NTRK3: variants seen among roughly 807,000 people sequenced by gnomAD.
The protein encoded by NTRK3 is neurotrophic receptor tyrosine kinase 3, also known as NT-3 growth factor receptor.
A neutral mutation model predicts 91.7 loss-of-function variants in NTRK3; 24 were observed. The ratio of observed to expected loss-of-function variants is 0.26; its 90% CI spans 0.19 to 0.37. NTRK3 has a LOEUF of 0.37. Ranked by LOEUF, NTRK3 falls within the 10% of genes least tolerant of loss-of-function variation. The pLI, the probability that NTRK3 is intolerant of heterozygous loss-of-function variation, is 1.00. For missense variants in NTRK3, 880 were observed against 1,068.9 expected, an observed-to-expected ratio of 0.82 and a Z score of 2.46; for synonymous variants, 483 against 404.0, an observed-to-expected ratio of 1.20 and a Z score of -2.34.
rs1230636427 is a variant in NTRK3 at position 88,005,894 on chromosome 15, T to C, written c.1585+26963A>G. The stretch of plus-strand genomic sequence containing the variant: ...GAAATCTATCTTCACATCAATATGG[T>C]AAATCCAAGGATAACCAGAGCATAA... On this transcript the variant is annotated intron_variant, in intron 14 of 18. Coordinates refer to ENST00000394480, the Ensembl canonical transcript of NTRK3. Among the ~76,000 whole-genome samples, 3 of 152,196 alleles carry C rather than the reference T, an allele frequency of 2.0e-5. 1 individual carries two copies. Among genetic ancestry groups the C allele is most frequent in the Admixed American group, 2.0e-4 (3 of 15,286 alleles).
chr15:88,116,594 T>C (rs1466322979), intron 13 of NTRK3, among the ~76,000 whole-genome samples: 2 of 152,196 alleles, frequency 1.3e-5, no homozygotes, highest in South Asian at 2.1e-4. Context: ...CTGAAGTATT[T>C]ACCAGTAACT....
At chr15:88,065,954 A>G (rs1420969389) in intron 13 of NTRK3, among the ~76,000 whole-genome samples, 1 of 152,108 alleles carries the variant, frequency 6.6e-6, no homozygotes, top group African/African-American at 2.4e-5. Context: ...CTTTGCCAAA[A>G]TGGCCTACTG....
chr15:87,879,685 C>A (rs980834277), intron 18 of NTRK3, among the ~76,000 whole-genome samples: 9 of 152,112 alleles, frequency 5.9e-5, no homozygotes, highest in Non-Finnish European at 1.3e-4. Flanking sequence ...TTTATTATTG[C>A]AAATTACAAT....
rs1019325321 is a variant in NTRK3 at position 88,147,254 on chromosome 15, T to C, written c.464+81A>G. On this transcript the variant is annotated intron_variant, in intron 6 of 18. Transcript: ENST00000394480. Reference sequence around the variant, plus strand: ...AGTAGATGTATGCTCAGCCTTCAGGTGGTTCCACTGCTTGACACTCCTCCC... The same window carrying C: ...AGTAGATGTATGCTCAGCCTTCAGGCGGTTCCACTGCTTGACACTCCTCCC... 4 of 1,295,494 alleles carry C rather than the reference T, an allele frequency of 3.1e-6. No homozygotes were observed. The African/African-American group carries it at 4.4e-5, about 14-fold the overall frequency. 80.2% of individuals were successfully genotyped at this position (1,295,494 alleles called of 1,614,324 possible).
chr15:88,076,290 G>A (rs1169245020), intron 13 of NTRK3, among the ~76,000 whole-genome samples: 1 of 152,074 alleles, frequency 6.6e-6, no homozygotes, highest in African/African-American at 2.4e-5. Context: ...GACCAGCACT[G>A]GAAAACCCAC....
intron 3 of NTRK3, among the ~76,000 whole-genome samples, chr15:88,205,264 G>C (rs1038290058): frequency 6.6e-6 from 1 of 152,162 alleles, no homozygotes; most frequent in Non-Finnish European, 1.5e-5. Context: ...AAACACAAGG[G>C]ATGACAGACT....
intron 13 of NTRK3, among the ~76,000 whole-genome samples, chr15:88,056,315 G>A (rs2045690208): frequency 6.6e-6 from 1 of 151,558 alleles, no homozygotes; most frequent in African/African-American, 2.4e-5. Context: ...CATGCAGAGT[G>A]ATGGGCTTTA....
In NTRK3 at chr15:87,957,201, A is replaced by G. The variant is rs114571399; in HGVS notation, c.1586-16448T>C. On this transcript the variant is annotated intron_variant, in intron 14 of 18. Transcript: ENST00000394480. ...TAATACTAGAGCGAGCCTGCCTCAT[A>G]CAATTGTTTTGCATACAAATGTGTT... Among the ~76,000 whole-genome samples the G allele has an allele frequency of 2.4e-3, 364 of 152,158 alleles. 2 individuals carry two copies. Among genetic ancestry groups the G allele is most frequent in the African/African-American group, 8.4e-3 (348 of 41,486 alleles).
At chr15:87,883,331 C>T (rs1394684748) in intron 17 of NTRK3, among the ~76,000 whole-genome samples, 1 of 147,066 alleles carries the variant, frequency 6.8e-6, no homozygotes, top group East Asian at 2.0e-4. Context: ...GTTTATGCTC[C>T]AATTAATATA....
intron 17 of NTRK3, among the ~76,000 whole-genome samples, chr15:87,914,505 C>G (rs901417925): frequency 6.6e-6 from 1 of 152,194 alleles, no homozygotes; most frequent in African/African-American, 2.4e-5. Flanking sequence ...GGACATTACT[C>G]TTTTCCCATT....
chr15:87,951,816 C>T (rs753350940), intron 14 of NTRK3, among the ~76,000 whole-genome samples: 2 of 152,186 alleles, frequency 1.3e-5, no homozygotes, highest in African/African-American at 4.8e-5. Flanking sequence ...GGGTCCTTAA[C>T]CCTAAGGGTC....
At chr15:87,963,430 G>C (rs1174552067) in intron 14 of NTRK3, among the ~76,000 whole-genome samples, 1 of 152,170 alleles carries the variant, frequency 6.6e-6, no homozygotes, top group Admixed American at 6.5e-5. Flanking sequence ...AAGACTGTGG[G>C]GAATCTCATT....
chr15:88,010,411 A>G (rs2076795159), intron 14 of NTRK3, among the ~76,000 whole-genome samples: 1 of 152,178 alleles, frequency 6.6e-6, no homozygotes, highest in African/African-American at 2.4e-5. Flanking sequence ...CGCCTCTATA[A>G]TGATTTAAGA....
At chr15:88,250,845 T>G (rs989284288) in intron 3 of NTRK3, among the ~76,000 whole-genome samples, 2 of 152,288 alleles carry the variant, frequency 1.3e-5, no homozygotes, top group Non-Finnish European at 2.9e-5. Context: ...TTTATATGTT[T>G]ATATATCTAT....
intron 17 of NTRK3, among the ~76,000 whole-genome samples, chr15:87,925,387 T>C (rs1480789057): frequency 6.6e-6 from 1 of 151,934 alleles, no homozygotes; most frequent in Non-Finnish European, 1.5e-5. Flanking sequence ...TCTCTCCCCA[T>C]GCCCTTATAT....
chr15:87,933,096 T>C (rs2068948963), exon 16 of NTRK3: 1 of 1,614,084 alleles, frequency 6.2e-7, no homozygotes, highest in Non-Finnish European at 8.5e-7. Context: ...TCCATAGAAC[T>C]TGACAATGTG....
intron 13 of NTRK3, among the ~76,000 whole-genome samples, chr15:88,046,401 C>G (rs916687988): frequency 6.6e-6 from 1 of 152,130 alleles, no homozygotes; most frequent in African/African-American, 2.4e-5. Flanking sequence ...CTGAACAGGT[C>G]CCCAGGTCTA....
At chr15:87,915,235 C>A (rs1222786174) in intron 17 of NTRK3, among the ~76,000 whole-genome samples, 3 of 152,170 alleles carry the variant, frequency 2.0e-5, no homozygotes, top group African/African-American at 7.2e-5. Context: ...AAGCAGTAAC[C>A]ATCATATAGC....
At chr15:88,156,279 G>A (rs2043893904) in intron 5 of NTRK3, among the ~76,000 whole-genome samples, 1 of 152,172 alleles carries the variant, frequency 6.6e-6, no homozygotes, top group South Asian at 2.1e-4. Flanking sequence ...CTTGCCATGT[G>A]CTGAGGAGGT....
Sources: gnomAD v4.1 joint callset for allele counts (sites outside exome capture counted in the v4.1 genomes callset) on GRCh38, gnomAD v4.1.1 for gene constraint, MANE v1.5 for transcripts, NCBI Gene and HGNC (gene_info 2026-07-23, HGNC 2026-07-21) for gene names.